Variants in SCPEP1 observed in about 807,000 individuals in gnomAD.
The protein encoded by SCPEP1 is retinoid-inducible serine carboxypeptidase.
Under a neutral mutation model 63.8 loss-of-function variants are expected in SCPEP1, and 51 were observed. The observed-to-expected ratio is 0.80, with a 90% CI of 0.64 to 1.01. The LOEUF (loss-of-function observed/expected upper bound fraction) is 1.01. Among genes scored for constraint, SCPEP1 ranks in the 50% least tolerant of loss-of-function variants. The pLI is 0.00. For synonymous variants in SCPEP1, 204 were observed against 207.8 expected, an observed-to-expected ratio of 0.98 and a Z score of 0.16; for missense variants, 499 against 554.9, an observed-to-expected ratio of 0.90 and a Z score of 1.01.
intron 5 of SCPEP1, among the ~76,000 whole-genome samples, chr17:56,989,349 A>G (rs1911316383): frequency 6.6e-6 from 1 of 152,246 alleles, no homozygotes; most frequent in Admixed American, 6.5e-5. Context: ...TAAAAGACTG[A>G]TAACACCCAG....
In SCPEP1 at chr17:56,985,422, A is replaced by C. The variant is rs1172200874; in HGVS notation, c.270A>C (p.Glu90Asp). Residue 90 changes from glutamate to aspartate, a missense_variant, in exon 3 of 13, where the codon GAA becomes GAC. By Grantham distance (45) the Glu-to-Asp change is conservative. Coordinates refer to ENST00000262288, the MANE Select transcript of SCPEP1 (RefSeq NM_021626.3). ...GCACTGGATTTGGAAACTTTGAGGA[A>C]ATTGGGCCCCTTGACAGTGATCTCA... ...GSSTGFGNFE[E>D]IGPLDSDLKP... is the part of the protein sequence containing the mutation. 1 of 1,614,174 alleles carries C rather than the reference A, an allele frequency of 6.2e-7. No homozygotes were observed. The highest frequency in any genetic ancestry group is 2.2e-5 in the East Asian group (1 of 44,880).
intron 9 of SCPEP1, among the ~76,000 whole-genome samples, chr17:56,997,482 A>C (rs1241657368): frequency 6.6e-6 from 1 of 152,214 alleles, no homozygotes; most frequent in Admixed American, 6.5e-5. Context: ...TTCAAGACTG[A>C]ATTTAGTCAT....
intron 2 of SCPEP1, chr17:56,982,757 C>G (rs1457966735): frequency 6.6e-6 from 1 of 151,034 alleles, no homozygotes; most frequent in Non-Finnish European, 1.5e-5. Flanking sequence ...TTTTTTTTAC[C>G]CCCAAATGAA....
At chr17:56,988,099 A>G in intron 4 of SCPEP1, 117 bp from the exon 5 acceptor site, 1 of 856,402 alleles carries the variant, frequency 1.2e-6, no homozygotes, top group Non-Finnish European at 1.8e-6. Flanking sequence ...GTGGGGGAGG[A>G]AGACAAAGCA....
At chr17:56,983,302 G>A (rs996891073) in intron 2 of SCPEP1, 16 of 152,286 alleles carry the variant, frequency 1.1e-4, no homozygotes, top group African/African-American at 3.6e-4. Flanking sequence ...CAGAAGCAGA[G>A]GAGAACTGAG....
In SCPEP1 at chr17:56,981,167, G is replaced by A. The variant is rs746498211; in HGVS notation, c.162G>A (p.Trp54Ter). The part of the protein sequence containing the change: ...TVRKDAYMFW[W>*]LYYATNSCKN... The stretch of plus-strand genomic sequence containing the variant: ...GCAAGGATGCCTACATGTTCTGGTG[G>A]CTCTATTATGCCACCAACTCCTGCA... Residue 54 changes from tryptophan to a stop codon, truncating the protein, a stop_gained, in exon 2 of 13, where the codon TGG becomes TGA. Transcript: ENST00000262288. LOFTEE classifies it high-confidence loss of function. 4 of 1,614,034 alleles carry A rather than the reference G, an allele frequency of 2.5e-6. No homozygotes were observed. Among genetic ancestry groups the A allele is most frequent in the Non-Finnish European group, 8.5e-7 (1 of 1,180,024 alleles).
chr17:56,981,178 C>A lies in SCPEP1; in HGVS notation c.173C>A (p.Ala58Asp), dbSNP rs867679656. 6.2e-7 allele frequency: 1 copy of A among 1,614,162 alleles called. No homozygotes were observed. The highest frequency in any genetic ancestry group is 1.3e-5 in the African/African-American group (1 of 75,046). Residue 58 changes from alanine (A) to aspartate (D), a missense_variant, in exon 2 of 13, where the codon GCC becomes GAC. By Grantham distance (126) the Ala-to-Asp change is moderately radical. Transcript: ENST00000262288. ...DAYMFWWLYY[A>D]TNSCKNFSEL... Reference sequence around the variant, plus strand: ...TACATGTTCTGGTGGCTCTATTATGCCACCAACTCCTGCAAGAACTTCTCA... The same window carrying A: ...TACATGTTCTGGTGGCTCTATTATGACACCAACTCCTGCAAGAACTTCTCA...
intron 6 of SCPEP1, among the ~76,000 whole-genome samples, chr17:56,994,485 T>C (rs1911487634): frequency 6.6e-6 from 1 of 152,260 alleles, no homozygotes; most frequent in East Asian, 1.9e-4. Flanking sequence ...AATAAGCCAA[T>C]TGGCAATATA....
At chr17:56,978,267 A>G (rs1190079302) in intron 1 of SCPEP1, 32 bp downstream of exon 1, 2 of 1,510,550 alleles carry the variant, frequency 1.3e-6, no homozygotes, top group Non-Finnish European at 1.8e-6. Context: ...ACCAGCTGCC[A>G]TGCCTCTTTT....
At chr17:56,998,324 A>C (rs1334951436) in intron 9 of SCPEP1, 61 bp from the exon 10 acceptor site, 2 of 1,176,572 alleles carry the variant, frequency 1.7e-6, no homozygotes, top group Non-Finnish European at 2.5e-6. Context: ...AAAAAAAAAA[A>C]AGATGTCCTC....
Position 57,002,179 on chromosome 17 carries a change from A to G in SCPEP1, c.1294A>G (p.Met432Val), listed in dbSNP as rs1335154381. The change falls in exon 12 of 13, where the codon ATG (methionine) becomes GTG (valine). Residue 432 changes from methionine to valine, a missense_variant and splice_region_variant. Transcript: ENST00000262288. Reference protein sequence around the residue: ...AFYWILKAGHMVPSDQGDMAL... With the variant: ...AFYWILKAGHVVPSDQGDMAL... ...CTACTGGATTCTGAAAGCTGGTCAT[A>G]TGGTAAGAAAGAGCTTTTGTTCCAG... 2.0e-5 allele frequency: 33 copies of G among 1,612,464 alleles called. No individual in the cohort carries two copies. Among genetic ancestry groups the G allele is most frequent in the Non-Finnish European group, 2.5e-5 (30 of 1,179,554 alleles).
chr17:57,005,555 C>T (rs1015362133), intron 12 of SCPEP1, among the ~76,000 whole-genome samples: 16 of 152,224 alleles, frequency 1.1e-4, no homozygotes, highest in African/African-American at 3.1e-4. Context: ...AATTACATAA[C>T]GGGGAGACCA....
intron 2 of SCPEP1, chr17:56,985,176 G>T: frequency 1.6e-6 from 1 of 606,996 alleles, no homozygotes; most frequent in East Asian, 2.8e-5. Context: ...GCTCAGCTCT[G>T]CTCCTTTCAG....
chr17:57,006,059 G>A, intron 12 of SCPEP1, 114 bp from the exon 13 acceptor site: 1 of 726,546 alleles, frequency 1.4e-6, no homozygotes, highest in Non-Finnish European at 2.3e-6. Context: ...TGTCTGCACA[G>A]GTTGCTGTCA....
chr17:56,995,893 A>C, intron 8 of SCPEP1: 1 of 223,320 alleles, frequency 4.5e-6, no homozygotes, highest in Non-Finnish European at 8.6e-6. Context: ...AAAAAAAAAA[A>C]AGACTGTCTT....
intron 2 of SCPEP1, 94 bp downstream of exon 2, chr17:56,981,324 G>A: frequency 4.3e-6 from 6 of 1,407,548 alleles, no homozygotes; most frequent in Non-Finnish European, 5.9e-6. Context: ...CAGCAGTGAA[G>A]GGCGGATTTG....
At chr17:57,001,665 T>C (rs1189713213) in intron 11 of SCPEP1, among the ~76,000 whole-genome samples, 1 of 152,208 alleles carries the variant, frequency 6.6e-6, no homozygotes, top group East Asian at 1.9e-4. Context: ...CAGGTGATCC[T>C]TATCACTATC....
At chr17:57,005,652 A>G (rs538363274) in intron 12 of SCPEP1, among the ~76,000 whole-genome samples, 1 of 152,194 alleles carries the variant, frequency 6.6e-6, no homozygotes, top group Admixed American at 6.5e-5. Context: ...ATTTTAAAGG[A>G]CTTATTCTAA....
intron 2 of SCPEP1, chr17:56,982,676 G>A (rs1198782061): frequency 6.6e-6 from 1 of 152,110 alleles, no homozygotes; most frequent in African/African-American, 2.4e-5. Flanking sequence ...CCTCCTCTGG[G>A]CCTTGGCTGT....
Sources: gnomAD v4.1 joint callset for allele counts (sites outside exome capture counted in the v4.1 genomes callset) on GRCh38, gnomAD v4.1.1 for gene constraint, MANE v1.5 for transcripts, NCBI Gene and HGNC (gene_info 2026-07-23, HGNC 2026-07-21) for gene names.